Variants in OSBPL8 observed in about 807,000 individuals in gnomAD.
OSBPL8 encodes oxysterol binding protein like 8, also known as oxysterol-binding protein-related protein 8.
OSBPL8 carries 59 observed loss-of-function variants against 125.5 expected under a neutral mutation model. That is an observed-to-expected ratio of 0.47 (90% CI 0.38 to 0.58). OSBPL8 has a LOEUF of 0.58. Among genes scored for constraint, OSBPL8 ranks in the 20% least tolerant of loss-of-function variants. The pLI, the probability that OSBPL8 is intolerant of heterozygous loss-of-function variation, is 0.00. For synonymous variants in OSBPL8, 330 were observed against 338.9 expected, an observed-to-expected ratio of 0.97 and a Z score of 0.29; for missense variants, 758 against 1,047.8, an observed-to-expected ratio of 0.72 and a Z score of 3.82.
chr12:76,365,673 C>T (rs1487819554), intron 21 of OSBPL8, among the ~76,000 whole-genome samples: 1 of 152,008 alleles, frequency 6.6e-6, no homozygotes, highest in African/African-American at 2.4e-5. Flanking sequence ...TGTCTTGTTC[C>T]TGATGTTACG....
At chr12:76,453,579 C>T (rs1338198323) in intron 3 of OSBPL8, among the ~76,000 whole-genome samples, 2 of 151,958 alleles carry the variant, frequency 1.3e-5, no homozygotes, top group Non-Finnish European at 2.9e-5. Flanking sequence ...AAGAATAGTT[C>T]TATGAAGACT....
chr12:76,511,828 G>A (rs1344864517), intron 1 of OSBPL8, among the ~76,000 whole-genome samples: 1 of 152,146 alleles, frequency 6.6e-6, no homozygotes, highest in Non-Finnish European at 1.5e-5. Context: ...GTATTACCTA[G>A]GTCGTCTGCC....
chr12:76,414,449 GGT>G (rs1491270923), intron 4 of OSBPL8, among the ~76,000 whole-genome samples: 6 of 130,208 alleles, frequency 4.6e-5, no homozygotes, highest in Non-Finnish European at 9.8e-5. Flanking sequence ...TTATTTTTCT[GGT>G]TTTTTTTTTT....
chr12:76,420,605 G>T (rs1869352580), intron 4 of OSBPL8, among the ~76,000 whole-genome samples: 1 of 151,940 alleles, frequency 6.6e-6, no homozygotes, highest in Non-Finnish European at 1.5e-5. Context: ...TTAAAAAAGG[G>T]TTATGCTCAA....
chr12:76,394,845 G>A (rs2136315879), intron 8 of OSBPL8, 116 bp from the exon 9 acceptor site: 1 of 670,450 alleles, frequency 1.5e-6, no homozygotes, highest in Non-Finnish European at 2.3e-6. Context: ...ATAATCTAAA[G>A]GCAAATGAGC....
At chr12:76,418,996 G>A (rs1057370827) in intron 4 of OSBPL8, among the ~76,000 whole-genome samples, 1 of 152,108 alleles carries the variant, frequency 6.6e-6, no homozygotes, top group African/African-American at 2.4e-5. Context: ...AGAACTTTGG[G>A]AGGCTGAGGC....
chr12:76,410,407 G>C (rs1450518703), intron 5 of OSBPL8, among the ~76,000 whole-genome samples, 157 bp downstream of exon 5: 1 of 152,016 alleles, frequency 6.6e-6, no homozygotes, highest in African/African-American at 2.4e-5. Context: ...ACTTATATTA[G>C]CCCCAATGGA....
intron 4 of OSBPL8, chr12:76,422,426 A>T (rs1321557729): frequency 2.4e-6 from 1 of 417,370 alleles, no homozygotes; most frequent in Admixed American, 2.8e-5. Flanking sequence ...ATTTAAATGA[A>T]AGCGGCTTTA....
intron 4 of OSBPL8, among the ~76,000 whole-genome samples, chr12:76,416,958 TACTTA>T (rs1343612052): frequency 1.3e-5 from 2 of 152,240 alleles, no homozygotes; most frequent in Non-Finnish European, 2.9e-5. Flanking sequence ...AAAATATGTA[TACTTA>T]ACTTTTCAAA....
chr12:76,424,864 C>G (rs1163474006), intron 4 of OSBPL8, among the ~76,000 whole-genome samples: 1 of 151,978 alleles, frequency 6.6e-6, no homozygotes, highest in Non-Finnish European at 1.5e-5. Flanking sequence ...CTATATATAT[C>G]CCAAAAGTAC....
At chr12:76,366,445 C>T in intron 21 of OSBPL8, 1 of 308,926 alleles carries the variant, frequency 3.2e-6, no homozygotes, top group Non-Finnish European at 6.4e-6. Flanking sequence ...CTTCCTTAGC[C>T]TAGCTGATGG....
intron 21 of OSBPL8, among the ~76,000 whole-genome samples, chr12:76,363,360 T>A (rs913644478): frequency 6.6e-6 from 1 of 152,016 alleles, no homozygotes; most frequent in Non-Finnish European, 1.5e-5. Flanking sequence ...ACGCCACACA[T>A]CTACAACCAT....
At chr12:76,539,057 G>C (rs1950570675) in intron 1 of OSBPL8, among the ~76,000 whole-genome samples, 1 of 132,844 alleles carries the variant, frequency 7.5e-6, no homozygotes, top group African/African-American at 2.6e-5. Flanking sequence ...ACTGGGGGGG[G>C]GGAGGGGGAG....
intron 2 of OSBPL8, among the ~76,000 whole-genome samples, chr12:76,479,965 A>C (rs1023493578): frequency 1.3e-5 from 2 of 152,014 alleles, no homozygotes; most frequent in African/African-American, 4.8e-5. Context: ...TCGGGAGTTC[A>C]AGACCAGCAT....
chr12:76,509,861 G>GTTT (rs774467726), intron 1 of OSBPL8, among the ~76,000 whole-genome samples: 3 of 151,968 alleles, frequency 2.0e-5, no homozygotes, highest in Non-Finnish European at 4.4e-5. Context: ...AGAGAGAAGG[G>GTTT]GAAAAAGCAC....
chr12:76,458,582 T>TC (rs899543943), intron 3 of OSBPL8, among the ~76,000 whole-genome samples: 6 of 151,916 alleles, frequency 3.9e-5, no homozygotes, highest in Admixed American at 2.6e-4. Context: ...TCCTAGCTAC[T>TC]CAGGTGGCAG....
Position 76,355,858 on chromosome 12 carries a change from TCTAGTTCA to T in OSBPL8, c.*23_*30del. ...CTGGTCCCAGGCCAAATCAGATCTT[TCTAGTTCA>T]CTGATTCAATGGTAGAGAACTTCTA... is the stretch of plus-strand genomic sequence containing the variant. On this transcript the variant is annotated 3_prime_UTR_variant, in exon 24 of 24. Coordinates refer to ENST00000261183, the MANE Select transcript of OSBPL8 (RefSeq NM_020841.5). 6.2e-7 allele frequency: 1 copy of T among 1,607,730 alleles called. No individual in the cohort carries two copies. Among genetic ancestry groups the T allele is most frequent in the Non-Finnish European group, 8.5e-7 (1 of 1,176,958 alleles).
Position 76,370,294 on chromosome 12 carries a change from C to T in OSBPL8, c.2055-472G>A, listed in dbSNP as rs184303114. On this transcript the variant is annotated intron_variant, in intron 19 of 23. Coordinates refer to ENST00000261183, the MANE Select transcript of OSBPL8 (RefSeq NM_020841.5). ...TATAATCAGAATCTCTGGGGTCAGGCGCAAGTATTGATATATTTTTTAAAT... is the reference window on the plus strand; with the variant it reads ...TATAATCAGAATCTCTGGGGTCAGGTGCAAGTATTGATATATTTTTTAAAT... Among the ~76,000 whole-genome samples, 11 of 151,834 alleles carry T rather than the reference C, an allele frequency of 7.2e-5. No homozygotes were observed. In the East Asian group the frequency reaches 1.7e-3, roughly 24 times the overall value.
At chr12:76,401,472 C>T (rs1274367536) in intron 6 of OSBPL8, among the ~76,000 whole-genome samples, 2 of 152,156 alleles carry the variant, frequency 1.3e-5, no homozygotes, top group Non-Finnish European at 2.9e-5. Context: ...GTCATTTAAT[C>T]CTCACAACAA....
Sources: gnomAD v4.1 joint callset for allele counts (sites outside exome capture counted in the v4.1 genomes callset) on GRCh38, gnomAD v4.1.1 for gene constraint, MANE v1.5 for transcripts, NCBI Gene and HGNC (gene_info 2026-07-23, HGNC 2026-07-21) for gene names.